LIMCH1: variants seen among roughly 807,000 people sequenced by gnomAD.
LIMCH1 encodes LIM and calponin homology domains 1.
In LIMCH1, 113 loss-of-function variants were observed where a neutral mutation model predicts 176.5. The ratio of observed to expected loss-of-function variants is 0.64; its 90% confidence interval spans 0.55 to 0.75. LIMCH1 has a LOEUF of 0.75. Among genes scored for constraint, LIMCH1 ranks in the 30% least tolerant of loss-of-function variants. The pLI is 0.00. For synonymous variants in LIMCH1, 619 were observed against 645.9 expected, an observed-to-expected ratio of 0.96 and a Z score of 0.63; for missense variants, 1,674 against 1,814.9, an observed-to-expected ratio of 0.92 and a Z score of 1.41.
intron 1 of LIMCH1, among the ~76,000 whole-genome samples, chr4:41,543,939 G>A (rs1466078500): frequency 6.6e-6 from 1 of 152,130 alleles, no homozygotes; most frequent in Non-Finnish European, 1.5e-5. Flanking sequence ...TCACAAACCT[G>A]CCATGAAAGT....
chr4:41,580,119 T>C (rs1035642670), intron 1 of LIMCH1, among the ~76,000 whole-genome samples: 15 of 152,200 alleles, frequency 9.9e-5, no homozygotes, highest in African/African-American at 3.6e-4. Flanking sequence ...CCAAATCTCA[T>C]GGGTTTTCTC....
chr4:41,636,573 TTTCTC>T (rs886067405), intron 13 of LIMCH1, among the ~76,000 whole-genome samples: 6 of 152,012 alleles, frequency 3.9e-5, no homozygotes, highest in Non-Finnish European at 8.8e-5. Flanking sequence ...GGGCTATTCT[TTTCTC>T]TTCAATTTCT....
At chr4:41,664,694 A>G (rs1039193998) in intron 20 of LIMCH1, among the ~76,000 whole-genome samples, 1 of 152,236 alleles carries the variant, frequency 6.6e-6, no homozygotes, top group Non-Finnish European at 1.5e-5. Context: ...TAACTTGAAC[A>G]GAATGAATAC....
intron 1 of LIMCH1, among the ~76,000 whole-genome samples, chr4:41,432,771 A>G (rs1051011837): frequency 1.3e-5 from 2 of 152,032 alleles, no homozygotes; most frequent in African/African-American, 2.4e-5. Context: ...TTCCTGTTTT[A>G]AAACCTGATT....
Position 41,443,252 on chromosome 4 carries a change from G to A in LIMCH1, c.97-51284G>A, listed in dbSNP as rs1301603426. ...GGAGTCTCGCTCTGTCGCCCAGGCC[G>A]GACTGCGGACTGCAGTGGCGCAATC... On this transcript the variant is annotated intron_variant, in intron 1 of 26. Coordinates refer to the LIMCH1 transcript ENST00000313860. Among the ~76,000 whole-genome samples the A allele has an allele frequency of 7.6e-5, 4 of 52,712 alleles. No individual in the cohort carries two copies. The East Asian group carries it at 1.3e-3, about 17-fold the overall frequency. 34.6% of individuals were successfully genotyped at this position (52,712 alleles called of 152,430 possible).
chr4:41,612,851 C>CTTT (rs61338165), intron 4 of LIMCH1: 118 of 1,072,386 alleles, frequency 1.1e-4, no homozygotes, highest in African/African-American at 6.7e-4. Context: ...CATTGCCTTT[C>CTTT]TTTTTTTTTT....
intron 1 of LIMCH1, among the ~76,000 whole-genome samples, chr4:41,472,193 G>A (rs948231876): frequency 1.3e-5 from 2 of 152,120 alleles, no homozygotes; most frequent in African/African-American, 4.8e-5. Context: ...TTTAAATTTT[G>A]GTGGCTTATG....
intron 1 of LIMCH1, among the ~76,000 whole-genome samples, chr4:41,544,483 A>G (rs572062379): frequency 6.6e-6 from 1 of 152,132 alleles, no homozygotes; most frequent in Admixed American, 6.6e-5. Flanking sequence ...GGAGGCCTCT[A>G]ATGTGTCAGA....
upstream of LIMCH1, among the ~76,000 whole-genome samples, chr4:41,536,309 A>G (rs756362419): frequency 1.6e-4 from 24 of 152,120 alleles, no homozygotes; most frequent in Non-Finnish European, 3.1e-4. Context: ...TTTTGTAGGA[A>G]GTTTGTCTTG....
At chr4:41,629,801 G>T in intron 9 of LIMCH1, 67 bp downstream of exon 9, 2 of 1,441,586 alleles carry the variant, frequency 1.4e-6, no homozygotes, top group South Asian at 2.9e-5. Context: ...GGCATCAAAT[G>T]CTTATCTTTG....
In LIMCH1 at chr4:41,580,857, A is replaced by G. The variant is rs557024593; in HGVS notation, c.-240-18063A>G. Among the ~76,000 whole-genome samples, 3 of 152,360 alleles carry G rather than the reference A, an allele frequency of 2.0e-5. No homozygotes were observed. In the East Asian group the frequency reaches 5.8e-4, roughly 29 times the overall value. Reference sequence around the variant, plus strand: ...AAACCAATAAATAGAAGATAAGTTAAAATCATTTTGAGACTTGTATAAACA... The same window carrying G: ...AAACCAATAAATAGAAGATAAGTTAGAATCATTTTGAGACTTGTATAAACA... On this transcript the variant is annotated intron_variant, in intron 1 of 31. Transcript: ENST00000503057.
At chr4:41,452,900 A>G (rs930284605) in intron 1 of LIMCH1, among the ~76,000 whole-genome samples, 2 of 152,218 alleles carry the variant, frequency 1.3e-5, no homozygotes, top group Non-Finnish European at 2.9e-5. Flanking sequence ...TTGAGGGTGG[A>G]GAAGATCTTC....
chr4:41,563,007 G>A (rs1462066529), intron 1 of LIMCH1, among the ~76,000 whole-genome samples: 1 of 152,144 alleles, frequency 6.6e-6, no homozygotes, highest in Non-Finnish European at 1.5e-5. Flanking sequence ...CTGAAGATGG[G>A]TCTATTTTCC....
intron 1 of LIMCH1, among the ~76,000 whole-genome samples, chr4:41,541,260 G>T (rs2078605446): frequency 6.6e-6 from 1 of 152,190 alleles, no homozygotes; most frequent in African/African-American, 2.4e-5. Context: ...TAGCTTATTA[G>T]ACCCTTAGAG....
At chr4:41,430,031 C>G (rs1423331160) in intron 1 of LIMCH1, among the ~76,000 whole-genome samples, 1 of 152,102 alleles carries the variant, frequency 6.6e-6, no homozygotes, top group Non-Finnish European at 1.5e-5. Context: ...CTATAATGTT[C>G]TTGGAGGAAG....
rs762880552 is a variant in LIMCH1 at position 41,619,399 on chromosome 4, G to C, written c.417G>C (p.Trp139Cys). ...KAEREEYRKS[W>C]STATSPLGGE... is the part of the protein sequence containing the mutation. ...AGAGAGAGGAATACCGCAAGAGCTG[G>C]AGTACCGCCACCTCCCCGCTGGGTG... Residue 139 changes from tryptophan (W) to cysteine (C), a missense_variant, in exon 6 of 32, where the codon TGG becomes TGC. By Grantham distance (215) the Trp-to-Cys change is radical. Around this residue, in one of 3 missense-constraint regions of LIMCH1, gnomAD observed 655 missense variants for 692.2 expected, o/e 0.95. Transcript: ENST00000503057. 1 of 1,612,850 alleles carries C rather than the reference G, an allele frequency of 6.2e-7. No individual in the cohort carries two copies. The highest frequency in any genetic ancestry group is 1.1e-5 in the South Asian group (1 of 91,082).
chr4:41,657,905 A>C (rs755987498), intron 18 of LIMCH1, among the ~76,000 whole-genome samples: 33 of 152,170 alleles, frequency 2.2e-4, no homozygotes, highest in Admixed American at 7.9e-4. Context: ...CTTTTGCAGA[A>C]TAAATGAGTG....
intron 1 of LIMCH1, among the ~76,000 whole-genome samples, chr4:41,381,943 T>G (rs2055736580): frequency 6.6e-6 from 1 of 152,182 alleles, no homozygotes; most frequent in South Asian, 2.1e-4. Flanking sequence ...ATCCCAGTAG[T>G]ACCCCCACTG....
intron 1 of LIMCH1, among the ~76,000 whole-genome samples, chr4:41,488,941 G>A (rs890668155): frequency 5.3e-5 from 8 of 152,096 alleles, no homozygotes; most frequent in African/African-American, 1.9e-4. Flanking sequence ...TATTAGGTAA[G>A]CCTTCTGGGC....
Sources: allele counts gnomAD v4.1 joint callset (sites outside exome capture counted in the v4.1 genomes callset), GRCh38; gene constraint gnomAD v4.1.1; regional missense constraint gnomAD v4.1.1; transcripts MANE v1.5; gene names NCBI Gene and HGNC (gene_info 2026-07-23, HGNC 2026-07-21).